LEP: variants seen among roughly 807,000 people sequenced by gnomAD.
The protein encoded by LEP is leptin, also known as leptin (murine obesity homolog).
Under a neutral mutation model 9.8 loss-of-function variants are expected in LEP, and 6 were observed. That is an observed-to-expected ratio of 0.61 (90% confidence interval 0.34 to 1.21). The LOEUF is 1.21. LEP is among the 50% of genes most tolerant of loss of function. LEP has a pLI of 0.04. For synonymous variants in LEP, 112 were observed against 81.7 expected, an observed-to-expected ratio of 1.37 and a Z score of -2.00; for missense variants, 134 against 198.1, an observed-to-expected ratio of 0.68 and a Z score of 1.94.
chr7:128,243,271 T>C lies in LEP; in HGVS notation c.-29+1965T>C, dbSNP rs558558883. Among the ~76,000 whole-genome samples, 4 of 152,338 alleles carry C rather than the reference T, an allele frequency of 2.6e-5. No homozygotes were observed. The East Asian group carries it at 7.7e-4, about 29-fold the overall frequency. On this transcript the variant is annotated intron_variant, in intron 1 of 2. Coordinates refer to ENST00000308868, the MANE Select transcript of LEP (RefSeq NM_000230.3). ...TTTGTTAGCTCTATGGAATGGAATT[T>C]ATAATCAATGCCCATACCAACATTT...
Position 128,252,030 on chromosome 7 carries a change from A to G in LEP, c.12A>G (p.Gly4=). The G allele has an allele frequency of 6.2e-7, 1 of 1,614,180 alleles. No homozygotes were observed. The highest frequency in any genetic ancestry group is 8.5e-7 in the Non-Finnish European group (1 of 1,180,030). Residue 4 remains glycine, a synonymous_variant, in exon 2 of 3, where the codon GGA becomes GGG. Coordinates refer to ENST00000308868, the MANE Select transcript of LEP (RefSeq NM_000230.3). MHW[G]TLCGFLWLWP... ...TCCTGGGAAGGAAAATGCATTGGGG[A>G]ACCCTGTGCGGATTCTTGTGGCTTT...
chr7:128,248,455 C>T (rs1237644301), intron 1 of LEP, among the ~76,000 whole-genome samples: 1 of 151,614 alleles, frequency 6.6e-6, no homozygotes, highest in Non-Finnish European at 1.5e-5. Flanking sequence ...AAAAAATTAG[C>T]CAGGCTGGGT....
chr7:128,247,521 C>T (rs1795226208), intron 1 of LEP, among the ~76,000 whole-genome samples: 1 of 152,206 alleles, frequency 6.6e-6, no homozygotes, highest in Non-Finnish European at 1.5e-5. Flanking sequence ...CAAGCCCTCC[C>T]CGGCTCCTCA....
At chr7:128,250,532 T>C (rs759361004) in intron 1 of LEP, among the ~76,000 whole-genome samples, 1 of 152,156 alleles carries the variant, frequency 6.6e-6, no homozygotes, top group African/African-American at 2.4e-5. Flanking sequence ...GACTCTGTCA[T>C]GGACCTGTTT....
Position 128,241,945 on chromosome 7 carries a change from A to G in LEP, c.-29+639A>G, listed in dbSNP as rs184715984. Reference sequence around the variant, plus strand: ...AGCCATGCAAATTGCCTTCTTTGCAATGCATACAATGAGGTGTCTCTGGGG... The same window carrying G: ...AGCCATGCAAATTGCCTTCTTTGCAGTGCATACAATGAGGTGTCTCTGGGG... On this transcript the variant is annotated intron_variant, in intron 1 of 2. Coordinates refer to ENST00000308868, the MANE Select transcript of LEP (RefSeq NM_000230.3). 1.3e-4 allele frequency among the ~76,000 whole-genome samples: 19 copies of G among 151,428 alleles called. No homozygotes were observed. The East Asian group carries it at 3.5e-3, about 28-fold the overall frequency.
intron 1 of LEP, among the ~76,000 whole-genome samples, chr7:128,250,216 C>T (rs991851283): frequency 6.6e-6 from 1 of 152,330 alleles, no homozygotes; most frequent in African/African-American, 2.4e-5. Context: ...CAGTATTTAA[C>T]TCTGTTGCAC....
rs553761695 is a variant in LEP, at chr7:128,245,530, AAAGG to A, written c.-29+4237_-29+4240del. 4.6e-3 allele frequency among the ~76,000 whole-genome samples: 699 copies of A among 152,268 alleles called. 2 individuals are homozygous for A. The highest frequency in any genetic ancestry group is 8.2e-3 in the Non-Finnish European group (555 of 68,010). ...TCCCTTCCAACTTGGAGTTATGAAG[AAAGG>A]AAGGAAGGAAGGGTGGGAGGGAAGA... On this transcript the variant is annotated intron_variant, in intron 1 of 2. Transcript: ENST00000308868.
intron 1 of LEP, among the ~76,000 whole-genome samples, chr7:128,242,184 G>A (rs889444220): frequency 6.6e-6 from 1 of 152,162 alleles, no homozygotes; most frequent in Non-Finnish European, 1.5e-5. Flanking sequence ...GAGACAAGTG[G>A]CCTGGCTGTC....
Position 128,256,904 on chromosome 7 carries a change from T to TG in LEP, c.*2141_*2142insG, listed in dbSNP as rs1795347546. The TG allele has an allele frequency of 3.9e-5, 6 of 152,222 alleles. No homozygotes were observed. The highest frequency in any genetic ancestry group is 5.9e-5 in the Non-Finnish European group (4 of 68,080). 9.4% of individuals were successfully genotyped at this position (152,222 alleles called of 1,614,324 possible). A position where few individuals can be genotyped will look rare whatever the true frequency, so the allele number is the denominator to read the frequency against. On this transcript the variant is annotated 3_prime_UTR_variant, in exon 3 of 3. Coordinates refer to ENST00000308868, the MANE Select transcript of LEP (RefSeq NM_000230.3). ...GTTTGAAGGAGGTGAGGGATGTGAA[T>TG]TGCCTGCAGAGAGAAGCCTGTTTTG... is the stretch of plus-strand genomic sequence containing the variant.
At chr7:128,243,307 A>G (rs1795172896) in intron 1 of LEP, among the ~76,000 whole-genome samples, 1 of 152,150 alleles carries the variant, frequency 6.6e-6, no homozygotes, top group South Asian at 2.1e-4. Flanking sequence ...CACTAATATC[A>G]TAGGAGATTT....
rs1042621974 is a variant in LEP, at chr7:128,254,901, ACTCTTCC to A, written c.*139_*145del. ...TCAATTTCCCTGACTCCTCTAAGCC[ACTCTTCC>A]AAAGGCATAAGACCCTAAGCCTCCT... On this transcript the variant is annotated 3_prime_UTR_variant, in exon 3 of 3. Transcript: ENST00000308868. 1.1e-6 allele frequency: 1 copy of A among 942,244 alleles called. No homozygotes were observed. The highest frequency in any genetic ancestry group is 1.6e-5 in the African/African-American group (1 of 61,640). 58.4% of individuals were successfully genotyped at this position (942,244 alleles called of 1,614,324 possible). A position where few individuals can be genotyped will look rare whatever the true frequency, so the allele number is the denominator to read the frequency against.
Position 128,254,848 on chromosome 7 carries a change from G to A in LEP, c.*85G>A. 2.1e-6 allele frequency: 3 copies of A among 1,432,818 alleles called. No homozygotes were observed. Among genetic ancestry groups the A allele is most frequent in the Non-Finnish European group, 2.9e-6 (3 of 1,036,846 alleles). The allele number at this position is 1,432,818 out of a possible 1,614,324, so 88.8% of individuals were successfully genotyped here. ...GGTATCTCCAGGATTGAAGAGCATT[G>A]CATGGACACCCCTTATCCAGGACTC... On this transcript the variant is annotated 3_prime_UTR_variant, in exon 3 of 3. Coordinates refer to ENST00000308868, the MANE Select transcript of LEP (RefSeq NM_000230.3).
In LEP at chr7:128,252,046, T is replaced by C. The variant is rs770122731; in HGVS notation, c.28T>C (p.Leu10=). 1.2e-6 allele frequency: 2 copies of C among 1,614,250 alleles called. No individual in the cohort carries two copies. The highest frequency in any genetic ancestry group is 3.3e-5 in the Admixed American group (2 of 60,032). Residue 10 remains leucine (L), a synonymous_variant, in exon 2 of 3, where the codon TTG becomes CTG. Transcript: ENST00000308868. ...GCATTGGGGAACCCTGTGCGGATTC[T>C]TGTGGCTTTGGCCCTATCTTTTCTA... The part of the protein sequence containing the change: MHWGTLCGF[L]WLWPYLFYVQ...
intron 1 of LEP, among the ~76,000 whole-genome samples, chr7:128,249,931 A>G (rs1270490668): frequency 6.6e-6 from 1 of 152,180 alleles, no homozygotes; most frequent in African/African-American, 2.4e-5. Context: ...TCCAGCATCC[A>G]CTGAAGCATA....
intron 2 of LEP, among the ~76,000 whole-genome samples, chr7:128,253,743 TA>T (rs556118513): frequency 6.7e-4 from 102 of 151,794 alleles, no homozygotes; most frequent in South Asian, 4.6e-3. Context: ...TTAAAAATAA[TA>T]AAAAAAAATT....
At chr7:128,251,314 G>T (rs189445518) in intron 1 of LEP, among the ~76,000 whole-genome samples, 1 of 152,318 alleles carries the variant, frequency 6.6e-6, no homozygotes, top group East Asian at 1.9e-4. Flanking sequence ...TGAGCACTGC[G>T]TCTGACATAT....
At chr7:128,246,023 G>A (rs915599366) in intron 1 of LEP, among the ~76,000 whole-genome samples, 1 of 151,300 alleles carries the variant, frequency 6.6e-6, no homozygotes, top group Non-Finnish European at 1.5e-5. Context: ...GTGAGCCGAG[G>A]TCACGCCACT....
chr7:128,246,385 G>A (rs942039501), intron 1 of LEP, among the ~76,000 whole-genome samples: 3 of 152,302 alleles, frequency 2.0e-5, no homozygotes, highest in African/African-American at 7.2e-5. Context: ...CAGAATTTGT[G>A]GTGGGGTGGA....
At chr7:128,247,736 G>A (rs1047915205) in intron 1 of LEP, among the ~76,000 whole-genome samples, 5 of 152,186 alleles carry the variant, frequency 3.3e-5, no homozygotes, top group African/African-American at 4.8e-5. Flanking sequence ...GGTTGGCTAC[G>A]TGCCAGGCAA....
Sources: gnomAD v4.1 joint callset for allele counts (sites outside exome capture counted in the v4.1 genomes callset) on GRCh38, gnomAD v4.1.1 for gene constraint, MANE v1.5 for transcripts, NCBI Gene and HGNC (gene_info 2026-07-23, HGNC 2026-07-21) for gene names.